Variants in ZNF750 observed in about 807,000 individuals in gnomAD.
ZNF750 encodes protein ZNF750.
A neutral mutation model predicts 31.6 loss-of-function variants in ZNF750; 10 were observed. The ratio of observed to expected loss-of-function variants is 0.32; its 90% confidence interval spans 0.19 to 0.54. The LOEUF (loss-of-function observed/expected upper bound fraction) is 0.54, where lower values mean the gene tolerates loss of function less well. Ranked by LOEUF, ZNF750 falls within the 20% of genes least tolerant of loss-of-function variation. The pLI is 0.95. For missense variants in ZNF750, 914 were observed against 934.9 expected, an observed-to-expected ratio of 0.98 and a Z score of 0.29; for synonymous variants, 400 against 404.9, an observed-to-expected ratio of 0.99 and a Z score of 0.15.
At position 82,835,439 on chromosome 17, in the gene ZNF750, TGA is replaced by T. The variant is rs1330563812; in HGVS notation, c.-182-2805_-182-2804del. ...CATATTTCTTTCTTTCTTTCTTTTT[TGA>T]GACGGAGTTTTGGTCTTGTTGCCCA... is the stretch of plus-strand genomic sequence containing the variant. On this transcript the variant is annotated intron_variant, in intron 1 of 2. Transcript: ENST00000269394. This position sits in a 1 kb window ranked among gnomAD's most constrained non-coding sequence, Gnocchi z 4.5. Among the ~76,000 whole-genome samples, 1 of 151,910 alleles carries T rather than the reference TGA, an allele frequency of 6.6e-6. No homozygotes were observed. The highest frequency in any genetic ancestry group is 6.6e-5 in the Admixed American group (1 of 15,246).
At chr17:82,836,832 A>T (rs1181012134) in intron 1 of ZNF750, among the ~76,000 whole-genome samples, 2 of 152,238 alleles carry the variant, frequency 1.3e-5, no homozygotes. Flanking sequence ...TAATTAGGGA[A>T]ATAATTGCTT....
In ZNF750 at chr17:82,832,500, A is replaced by C; in HGVS notation, c.-46T>G. 1 of 1,560,778 alleles carries C rather than the reference A, an allele frequency of 6.4e-7. No homozygotes were observed. The highest frequency in any genetic ancestry group is 8.7e-7 in the Non-Finnish European group (1 of 1,142,894). ...CTCTGGCTGTCCAGGTGGCGTGATC[A>C]CTGTCGACGCCGCGTGCACTTCGTG... On this transcript the variant is annotated 5_prime_UTR_variant, in exon 2 of 3. Coordinates refer to ENST00000269394, the MANE Select transcript of ZNF750 (RefSeq NM_024702.3). The surrounding 1 kb of genome is among the most constrained non-coding windows in gnomAD (Gnocchi z 4.9).
chr17:82,830,675 G>C lies in ZNF750; in HGVS notation c.1639C>G (p.Gln547Glu), dbSNP rs773506296. The change falls in exon 3 of 3, where the codon CAG (glutamine) becomes GAG (glutamate). Residue 547 changes from glutamine to glutamate, a missense_variant. Transcript: ENST00000269394. ...ACCGAGAGATTGAGTGGAAGGTCCT[G>C]CAGCTCTGAGAAGCTGGCGGTTTCC... is the stretch of plus-strand genomic sequence containing the variant. Reference protein sequence around the residue: ...QAETASFSELQDLPLNLSVKD... With the variant: ...QAETASFSELEDLPLNLSVKD... 1.2e-6 allele frequency: 2 copies of C among 1,614,162 alleles called. No homozygotes were observed. Among genetic ancestry groups the C allele is most frequent in the Non-Finnish European group, 1.7e-6 (2 of 1,180,030 alleles).
chr17:82,830,693 C>T lies in ZNF750; in HGVS notation c.1621G>A (p.Ala541Thr). The T allele has an allele frequency of 6.2e-7, 1 of 1,614,084 alleles. No individual in the cohort carries two copies. Among genetic ancestry groups the T allele is most frequent in the Non-Finnish European group, 8.5e-7 (1 of 1,180,012 alleles). ...AGGTCCTGCAGCTCTGAGAAGCTGG[C>T]GGTTTCCGCCTGGGGGCTGCCTTGG... ...TYQGSPQAETASFSELQDLPL... is the reference protein window; with the variant it reads ...TYQGSPQAETTSFSELQDLPL... Residue 541 changes from alanine to threonine, a missense_variant, in exon 3 of 3, where the codon GCC (alanine) becomes ACC (threonine). Physicochemically the swap from Ala to Thr is moderately conservative, Grantham distance 58 (BLOSUM62 0). Around this residue, in one of 2 missense-constraint regions of ZNF750, gnomAD observed 880 missense variants for 868.9 expected, o/e 1.01. Transcript: ENST00000269394.
rs1184562886 is a variant in ZNF750 at position 82,831,994 on chromosome 17, T to A, written c.461A>T (p.Glu154Val). The A allele has an allele frequency of 6.2e-7, 1 of 1,612,902 alleles. No individual in the cohort carries two copies. Among genetic ancestry groups the A allele is most frequent in the African/African-American group, 1.3e-5 (1 of 74,912 alleles). ...EAALGAQPAL[E>V]GAARPSAFVP... ...AAATGCAGAAGGCCGAGCTGCGCCT[T>A]CCAGAGCAGGCTGGGCACCGAGGGC... is the stretch of plus-strand genomic sequence containing the variant. Residue 154 changes from glutamate (E) to valine (V), a missense_variant, in exon 2 of 3, where the codon GAA (glutamate) becomes GTA (valine). Glu to Val is a moderately radical substitution (Grantham distance 121). Transcript: ENST00000269394. The surrounding 1 kb of genome is among the most constrained non-coding windows in gnomAD (Gnocchi z 4.6).
In ZNF750 at chr17:82,831,427, C is replaced by T. The variant is rs778933111; in HGVS notation, c.1028G>A (p.Arg343Gln). The T allele has an allele frequency of 9.9e-6, 16 of 1,613,964 alleles. No homozygotes were observed. The highest frequency in any genetic ancestry group is 1.6e-4 in the Middle Eastern group (1 of 6,084). Residue 343 changes from arginine to glutamine, a missense_variant, in exon 2 of 3, where the codon CGA (arginine) becomes CAA (glutamine). Transcript: ENST00000269394. The surrounding 1 kb of genome is among the most constrained non-coding windows in gnomAD (Gnocchi z 4.6). ...TTCAAGCAGGTGAGAGCTCTGATCT[C>T]GGGTGAGGCCAGTGACAGGTGGGAG... ...LRLPPVTGLT[R>Q]DQSSHLLEEA...
chr17:82,830,043 G>A lies in ZNF750; in HGVS notation c.*99C>T. On this transcript the variant is annotated 3_prime_UTR_variant, in exon 3 of 3. Coordinates refer to ENST00000269394, the MANE Select transcript of ZNF750 (RefSeq NM_024702.3). Reference sequence around the variant, plus strand: ...TTTTTGAGAAGCAGCAGCTGCATTTGTAAAAATGTGAAAGTGCCAGTTCAG... The same window carrying A: ...TTTTTGAGAAGCAGCAGCTGCATTTATAAAAATGTGAAAGTGCCAGTTCAG... The A allele has an allele frequency of 6.4e-7, 1 of 1,559,178 alleles. No homozygotes were observed. The highest frequency in any genetic ancestry group is 1.1e-5 in the South Asian group (1 of 87,686).
chr17:82,834,806 G>A (rs1302659079), intron 1 of ZNF750, among the ~76,000 whole-genome samples: 4 of 152,132 alleles, frequency 2.6e-5, no homozygotes, highest in Non-Finnish European at 5.9e-5. Context: ...GATGGGTACA[G>A]TAAACCACCA....
Position 82,832,471 on chromosome 17 carries a change from T to C in ZNF750, c.-17A>G, listed in dbSNP as rs749081438. The C allele has an allele frequency of 6.2e-7, 1 of 1,603,920 alleles. No individual in the cohort carries two copies. The highest frequency in any genetic ancestry group is 8.5e-7 in the Non-Finnish European group (1 of 1,178,222). On this transcript the variant is annotated 5_prime_UTR_variant, in exon 2 of 3. Transcript: ENST00000269394. The surrounding 1 kb of genome is among the most constrained non-coding windows in gnomAD (Gnocchi z 4.9). ...GAGACTCATTTTCCTCCTTATGCCT[T>C]GGACTCTGGCTGTCCAGGTGGCGTG...
At position 82,830,492 on chromosome 17, in the gene ZNF750, C is replaced by T. The variant is rs945752420; in HGVS notation, c.1822G>A (p.Gly608Arg). The T allele has an allele frequency of 2.5e-6, 4 of 1,613,438 alleles. No individual in the cohort carries two copies. The highest frequency in any genetic ancestry group is 1.3e-5 in the African/African-American group (1 of 75,052). ...ETKPGSLDGDGAPPTGPGEEA... is the reference protein window; with the variant it reads ...ETKPGSLDGDRAPPTGPGEEA... The stretch of plus-strand genomic sequence containing the variant: ...TCGCCGGGGCCTGTGGGTGGGGCCC[C>T]GTCACCGTCGAGGCTGCCTGGCTTG... The change falls in exon 3 of 3, where the codon GGG becomes AGG. Residue 608 changes from glycine (G) to arginine (R), a missense_variant. Gly to Arg is a moderately radical substitution (Grantham distance 125). Coordinates refer to ENST00000269394, the MANE Select transcript of ZNF750 (RefSeq NM_024702.3).
chr17:82,830,935 A>G, intron 2 of ZNF750, 58 bp from the exon 3 acceptor site: 1 of 1,613,172 alleles, frequency 6.2e-7, no homozygotes, highest in South Asian at 1.1e-5. Context: ...AACTGCGTGA[A>G]GCAGTGTGAG....
chr17:82,838,344 A>AT (rs199556972), intron 1 of ZNF750, among the ~76,000 whole-genome samples: 1,957 of 151,918 alleles, frequency 0.013, 55 homozygotes, highest in African/African-American at 0.045. Flanking sequence ...TTAAAAAAAA[A>AT]AACTTTGATA....
rs761646138 is a variant in ZNF750, at chr17:82,832,000, G to A, written c.455C>T (p.Ala152Val). 3.7e-5 allele frequency: 59 copies of A among 1,612,796 alleles called. No homozygotes were observed. The highest frequency in any genetic ancestry group is 5.0e-5 in the Non-Finnish European group (59 of 1,179,034). Residue 152 changes from alanine (A) to valine (V), a missense_variant, in exon 2 of 3, where the codon GCT (alanine) becomes GTT (valine). Coordinates refer to ENST00000269394, the MANE Select transcript of ZNF750 (RefSeq NM_024702.3). The surrounding 1 kb of genome is among the most constrained non-coding windows in gnomAD (Gnocchi z 4.6). ...AGAAGGCCGAGCTGCGCCTTCCAGA[G>A]CAGGCTGGGCACCGAGGGCGGCTTC... ...APEAALGAQP[A>V]LEGAARPSAF...
rs536952987 is a variant in ZNF750 at position 82,832,683 on chromosome 17, G to A, written c.-182-47C>T. The A allele has an allele frequency of 1.9e-5, 11 of 582,016 alleles. No homozygotes were observed. The highest frequency in any genetic ancestry group is 4.6e-4 in the Middle Eastern group (1 of 2,158). The allele number at this position is 582,016 out of a possible 1,614,324, so 36.1% of individuals were successfully genotyped here. A position where few individuals can be genotyped will look rare whatever the true frequency, so the allele number is the denominator to read the frequency against. ...GTGTCAGGACAGCGAGTGAGGGGTC[G>A]GCGAGAAGCCGGCCTCGGCTCGCCA... is the stretch of plus-strand genomic sequence containing the variant. On this transcript the variant is annotated intron_variant, in intron 1 of 2. Transcript: ENST00000269394. The surrounding 1 kb of genome is among the most constrained non-coding windows in gnomAD (Gnocchi z 4.9).
Position 82,835,116 on chromosome 17 carries a change from T to C in ZNF750, c.-182-2480A>G, listed in dbSNP as rs1051103193. 1.3e-5 allele frequency among the ~76,000 whole-genome samples: 2 copies of C among 151,936 alleles called. No homozygotes were observed. Among genetic ancestry groups the C allele is most frequent in the Non-Finnish European group, 2.9e-5 (2 of 67,968 alleles). On this transcript the variant is annotated intron_variant, in intron 1 of 2. Transcript: ENST00000269394. The surrounding 1 kb of genome is among the most constrained non-coding windows in gnomAD (Gnocchi z 4.5). Reference sequence around the variant, plus strand: ...TAAGAAAACTGTTTCAACTGCAGTATTTTTTTTAAGGAATGGGCAGATGTG... The same window carrying C: ...TAAGAAAACTGTTTCAACTGCAGTACTTTTTTTAAGGAATGGGCAGATGTG...
In ZNF750 at chr17:82,832,008, G is replaced by A. The variant is rs1274486084; in HGVS notation, c.447C>T (p.Ala149=). Residue 149 remains alanine (A), a synonymous_variant, in exon 2 of 3, where the codon GCC becomes GCT. Coordinates refer to ENST00000269394, the MANE Select transcript of ZNF750 (RefSeq NM_024702.3). This position sits in a 1 kb window ranked among gnomAD's most constrained non-coding sequence, Gnocchi z 4.9. ...KSPAPEAALG[A]QPALEGAARP... ...GAGCTGCGCCTTCCAGAGCAGGCTG[G>A]GCACCGAGGGCGGCTTCCGGAGCTG... The A allele has an allele frequency of 1.2e-6, 2 of 1,612,550 alleles. No individual in the cohort carries two copies. The highest frequency in any genetic ancestry group is 3.3e-5 in the Admixed American group (2 of 59,976).
At position 82,835,028 on chromosome 17, in the gene ZNF750, A is replaced by G. The variant is rs1598809822; in HGVS notation, c.-182-2392T>C. 6.6e-6 allele frequency among the ~76,000 whole-genome samples: 1 copy of G among 152,160 alleles called. No homozygotes were observed. The highest frequency in any genetic ancestry group is 1.9e-4 in the East Asian group (1 of 5,198). ...CAGGGAGCTGTCATCCCACCACCGC[A>G]CTGCAGCCTGGTGGGCAACAGAATG... is the stretch of plus-strand genomic sequence containing the variant. On this transcript the variant is annotated intron_variant, in intron 1 of 2. Coordinates refer to ENST00000269394, the MANE Select transcript of ZNF750 (RefSeq NM_024702.3). The surrounding 1 kb of genome is among the most constrained non-coding windows in gnomAD (Gnocchi z 4.5).
In ZNF750 at chr17:82,832,750, A is replaced by C. The variant is rs1456080451; in HGVS notation, c.-182-114T>G. The C allele has an allele frequency of 2.1e-6, 1 of 469,306 alleles. No individual in the cohort carries two copies. The highest frequency in any genetic ancestry group is 2.0e-5 in the African/African-American group (1 of 50,998). The allele number at this position is 469,306 out of a possible 1,614,324, so 29.1% of individuals were successfully genotyped here. ...CTGAAGCAGAACCCCTGAAGGGCTG[A>C]AACTGCCTGCTCCTGAGGGGAGCAG... On this transcript the variant is annotated intron_variant, in intron 1 of 2. Transcript: ENST00000269394. The surrounding 1 kb of genome is among the most constrained non-coding windows in gnomAD (Gnocchi z 4.9).
Position 82,831,040 on chromosome 17 carries a change from G to C in ZNF750, c.1415C>G (p.Thr472Ser), listed in dbSNP as rs2053458946. The change falls in exon 2 of 3, where the codon ACC becomes AGC. Residue 472 changes from threonine (T) to serine (S), a missense_variant. By Grantham distance (58) the Thr-to-Ser change is moderately conservative. This residue lies in a region of ZNF750 where 880 missense variants were observed against 868.9 expected (regional missense o/e 1.01). Coordinates refer to ENST00000269394, the MANE Select transcript of ZNF750 (RefSeq NM_024702.3). The surrounding 1 kb of genome is among the most constrained non-coding windows in gnomAD (Gnocchi z 4.6). ...TECLPAQAAE[T>S]TAESPVSLNV... ...TTACCTTACTGGAGACTCTGCTGTG[G>C]TCTCAGCAGCCTGGGCAGGTAGGCA... is the stretch of plus-strand genomic sequence containing the variant. The C allele has an allele frequency of 1.9e-6, 3 of 1,614,058 alleles. No homozygotes were observed. In the African/African-American group the frequency reaches 4.0e-5, roughly 22 times the overall value.
Sources: allele counts gnomAD v4.1 joint callset (sites outside exome capture counted in the v4.1 genomes callset), GRCh38; gene constraint gnomAD v4.1.1; regional missense constraint gnomAD v4.1.1; non-coding constraint Gnocchi (gnomAD v3.1); transcripts MANE v1.5; gene names NCBI Gene and HGNC (gene_info 2026-07-23, HGNC 2026-07-21).